Variants in THBS1 observed in about 807,000 individuals in gnomAD.
The protein encoded by THBS1 is thrombospondin-1.
In THBS1, 29 loss-of-function variants were observed where a neutral mutation model predicts 126.1. That is an observed-to-expected ratio of 0.23 (90% CI 0.17 to 0.31). The LOEUF (loss-of-function observed/expected upper bound fraction) is 0.31. Ranked by LOEUF, THBS1 falls within the 10% of genes least tolerant of loss-of-function variation. The pLI is 1.00. For synonymous variants in THBS1, 496 were observed against 577.8 expected, an observed-to-expected ratio of 0.86 and a Z score of 2.03; for missense variants, 1,198 against 1,545.2, an observed-to-expected ratio of 0.78 and a Z score of 3.77.
chr15:39,590,960 T>C, intron 14 of THBS1: 2 of 566,408 alleles, frequency 3.5e-6, no homozygotes, highest in Non-Finnish European at 6.1e-6. Context: ...ACTGAGATGA[T>C]GGGATTATAT....
At chr15:39,584,237 T>C (rs753103060) in intron 5 of THBS1, 50 bp downstream of exon 5, 12 of 1,614,142 alleles carry the variant, frequency 7.4e-6, no homozygotes, top group Non-Finnish European at 9.3e-6. Context: ...GGAAGGTTTA[T>C]CGCAGATGGT....
At position 39,588,940 on chromosome 15, in the gene THBS1, C is replaced by G. The variant is rs1384195925; in HGVS notation, c.1646-19C>G. 6.2e-7 allele frequency: 1 copy of G among 1,614,206 alleles called. No individual in the cohort carries two copies. Among genetic ancestry groups the G allele is most frequent in the Non-Finnish European group, 8.5e-7 (1 of 1,180,044 alleles). On this transcript the variant is annotated intron_variant, in intron 10 of 21. Transcript: ENST00000260356. The stretch of plus-strand genomic sequence containing the variant: ...TAGACCAACCATTTACTGTGACTGT[C>G]TCTCTCTCCTTGTCTCAGATGGATG...
At position 39,593,914 on chromosome 15, in the gene THBS1, C is replaced by T. The variant is rs1890380154; in HGVS notation, c.3268-185C>T. The T allele has an allele frequency of 2.3e-6, 2 of 870,282 alleles. No individual in the cohort carries two copies. The highest frequency in any genetic ancestry group is 3.4e-6 in the Non-Finnish European group (2 of 581,740). The allele number at this position is 870,282 out of a possible 1,614,324, so 53.9% of individuals were successfully genotyped here. ...ACAAAAAAACCTCCTTCCCTCCTCTCTGTCTGCTTTATATGTGTGCTCAGT... is the reference window on the plus strand; with the variant it reads ...ACAAAAAAACCTCCTTCCCTCCTCTTTGTCTGCTTTATATGTGTGCTCAGT... On this transcript the variant is annotated intron_variant, in intron 19 of 21. Transcript: ENST00000260356. The surrounding 1 kb of genome is among the most constrained non-coding windows in gnomAD (Gnocchi z 5.9).
In THBS1 at chr15:39,594,202, A is replaced by G. The variant is rs1365248971; in HGVS notation, c.3365+6A>G. 2 of 1,614,194 alleles carry G rather than the reference A, an allele frequency of 1.2e-6. No homozygotes were observed. The highest frequency in any genetic ancestry group is 1.7e-6 in the Non-Finnish European group (2 of 1,180,000). ...CCAAAGACGGGTTTCATTAGGTACG[A>G]TCATACTGATTCACTTTCACTTACA... is the stretch of plus-strand genomic sequence containing the variant. On this transcript the variant is annotated splice_donor_region_variant and intron_variant, in intron 20 of 21. Coordinates refer to ENST00000260356, the MANE Select transcript of THBS1 (RefSeq NM_003246.4). The surrounding 1 kb of genome is among the most constrained non-coding windows in gnomAD (Gnocchi z 4.4).
Position 39,593,384 on chromosome 15 carries a change from G to C in THBS1, c.2996-13G>C, listed in dbSNP as rs529483962. ...GCTGCAGGTTTTAACCTGGCTCTGG[G>C]CTCTTCTTCCAGGTTATGATGAGTT... On this transcript the variant is annotated splice_polypyrimidine_tract_variant and intron_variant, in intron 18 of 21. Coordinates refer to ENST00000260356, the MANE Select transcript of THBS1 (RefSeq NM_003246.4). This position sits in a 1 kb window ranked among gnomAD's most constrained non-coding sequence, Gnocchi z 5.9. 2 of 1,613,644 alleles carry C rather than the reference G, an allele frequency of 1.2e-6. No homozygotes were observed. The highest frequency in any genetic ancestry group is 2.7e-5 in the African/African-American group (2 of 74,966).
rs534121841 is a variant in THBS1 at position 39,598,097 on chromosome 15, G to A, written c.*2728G>A. 1 of 152,330 alleles carries A rather than the reference G, an allele frequency of 6.6e-6. No homozygotes were observed. Among genetic ancestry groups the A allele is most frequent in the South Asian group, 2.1e-4 (1 of 4,828 alleles). The allele number at this position is 152,330 out of a possible 1,614,324, so 9.4% of individuals were successfully genotyped here. ...ATTATCATGTGAAGAAAAGGCCCAA[G>A]TGTACCAATAAGCAGACCTTGATTT... On this transcript the variant is annotated 3_prime_UTR_variant, in exon 22 of 22. Coordinates refer to ENST00000260356, the MANE Select transcript of THBS1 (RefSeq NM_003246.4).
intron 8 of THBS1, 107 bp from the exon 9 acceptor site, chr15:39,587,935 T>G (rs1289477452): frequency 9.0e-6 from 10 of 1,113,652 alleles, no homozygotes; most frequent in Non-Finnish European, 1.3e-5. Flanking sequence ...CTGGGTTTAG[T>G]TGCCATTGAC....
Position 39,581,818 on chromosome 15 carries a change from T to G in THBS1, c.-29-11T>G. ...ATCTCTGACCCTCGGCTCTTGTGCT[T>G]CCTGCTACAGGATCCCTGCTGGGCA... On this transcript the variant is annotated splice_polypyrimidine_tract_variant and intron_variant, in intron 1 of 21. Coordinates refer to ENST00000260356, the MANE Select transcript of THBS1 (RefSeq NM_003246.4). The G allele has an allele frequency of 1.3e-6, 2 of 1,593,942 alleles. No individual in the cohort carries two copies. The highest frequency in any genetic ancestry group is 1.7e-6 in the Non-Finnish European group (2 of 1,162,316).
At chr15:39,590,156 C>G (rs61217288) in intron 13 of THBS1, 133 bp downstream of exon 13, 1 of 875,148 alleles carries the variant, frequency 1.1e-6, no homozygotes, top group South Asian at 2.1e-5. Flanking sequence ...GAGAGGGGCA[C>G]TAATTCCTAT....
chr15:39,586,144 G>A (rs1020275395), intron 7 of THBS1, among the ~76,000 whole-genome samples: 1 of 152,146 alleles, frequency 6.6e-6, no homozygotes, highest in Admixed American at 6.6e-5. Context: ...AGTGTAGCAG[G>A]TACAAGTTAT....
At chr15:39,595,286 C>T in intron 21 of THBS1, 76 bp from the exon 22 acceptor site, 2 of 922,914 alleles carry the variant, frequency 2.2e-6, no homozygotes, top group Non-Finnish European at 3.0e-6. Context: ...ATGTGGTTAA[C>T]TTATTAACTA....
At position 39,592,926 on chromosome 15, in the gene THBS1, T is replaced by C. The variant is rs1054925662; in HGVS notation, c.2768-74T>C. The C allele has an allele frequency of 1.9e-6, 3 of 1,558,100 alleles. No individual in the cohort carries two copies. The African/African-American group carries it at 4.1e-5, about 21-fold the overall frequency. Reference sequence around the variant, plus strand: ...GGACCAAATGCCAACTTAGACAAGATAGTGACATTTCTGACACCAGTAATA... The same window carrying C: ...GGACCAAATGCCAACTTAGACAAGACAGTGACATTTCTGACACCAGTAATA... On this transcript the variant is annotated intron_variant, in intron 17 of 21. Coordinates refer to ENST00000260356, the MANE Select transcript of THBS1 (RefSeq NM_003246.4). The surrounding 1 kb of genome is among the most constrained non-coding windows in gnomAD (Gnocchi z 4.3).
In THBS1 at chr15:39,592,586, C is replaced by T. The variant is rs1428008775; in HGVS notation, c.2551C>T (p.Arg851Cys). The change falls in exon 17 of 22, where the codon CGC becomes TGC. Residue 851 changes from arginine to cysteine, a missense_variant. Physicochemically the swap from Arg to Cys is radical, Grantham distance 180. Around this residue, in one of 4 missense-constraint regions of THBS1, gnomAD observed 663 missense variants for 860.1 expected, o/e 0.77. Transcript: ENST00000260356. The surrounding 1 kb of genome is among the most constrained non-coding windows in gnomAD (Gnocchi z 4.3). ...NPDQLDSDSD[R>C]IGDTCDNNQD... The stretch of plus-strand genomic sequence containing the variant: ...CTTTCAGCTGGACTCTGACTCAGAC[C>T]GCATTGGAGATACCTGTGACAACAA... 1.9e-6 allele frequency: 3 copies of T among 1,613,026 alleles called. No individual in the cohort carries two copies. Among genetic ancestry groups the T allele is most frequent in the Admixed American group, 1.7e-5 (1 of 59,856 alleles).
In THBS1 at chr15:39,594,449, A is replaced by T. The variant is rs1890392682; in HGVS notation, c.3505+9A>T. 1 of 1,613,534 alleles carries T rather than the reference A, an allele frequency of 6.2e-7. No homozygotes were observed. Among genetic ancestry groups the T allele is most frequent in the African/African-American group, 1.3e-5 (1 of 75,048 alleles). On this transcript the variant is annotated intron_variant, in intron 21 of 21. Coordinates refer to ENST00000260356, the MANE Select transcript of THBS1 (RefSeq NM_003246.4). This position sits in a 1 kb window ranked among gnomAD's most constrained non-coding sequence, Gnocchi z 4.4. ...GAAATACGAATGTAGAGGTAAGAGC[A>T]ACATCACCATGAATGTACACTGGAC... is the stretch of plus-strand genomic sequence containing the variant.
chr15:39,581,934 T>C lies in THBS1; in HGVS notation c.67+10T>C, dbSNP rs376911618. On this transcript the variant is annotated intron_variant, in intron 2 of 21. Transcript: ENST00000260356. ...ACCAACCGCATTCCAGGTGAGTTTG[T>C]GTGGCACCTTTAGGGGAAGGAGGGA... The C allele has an allele frequency of 2.5e-6, 4 of 1,613,940 alleles. No individual in the cohort carries two copies. In the African/African-American group the frequency reaches 5.3e-5, roughly 22 times the overall value.
At chr15:39,587,314 C>T (rs1239751043) in intron 7 of THBS1, 33 bp from the exon 8 acceptor site, 39 of 1,593,650 alleles carry the variant, frequency 2.4e-5, no homozygotes, top group Non-Finnish European at 3.2e-5. Flanking sequence ...TCCTAATCAT[C>T]ACGTACCTGA....
Position 39,584,357 on chromosome 15 carries a change from A to G in THBS1, c.961A>G (p.Asn321Asp), listed in dbSNP as rs771274815. 3 of 1,614,250 alleles carry G rather than the reference A, an allele frequency of 1.9e-6. No individual in the cohort carries two copies. Among genetic ancestry groups the G allele is most frequent in the Non-Finnish European group, 2.5e-6 (3 of 1,180,054 alleles). The stretch of plus-strand genomic sequence containing the variant: ...GAGGCGGCCTCCCCTATGCTATCAC[A>G]ACGGAGTTCAGTACAGAAATAACGA... ...ELRRPPLCYH[N>D]GVQYRNNEEW... Residue 321 changes from asparagine to aspartate, a missense_variant, in exon 6 of 22, where the codon AAC (asparagine) becomes GAC (aspartate). Coordinates refer to ENST00000260356, the MANE Select transcript of THBS1 (RefSeq NM_003246.4).
At position 39,589,772 on chromosome 15, in the gene THBS1, G is replaced by T; in HGVS notation, c.1927-33G>T. The T allele has an allele frequency of 6.5e-7, 1 of 1,549,566 alleles. No homozygotes were observed. Among genetic ancestry groups the T allele is most frequent in the Non-Finnish European group, 8.7e-7 (1 of 1,147,990 alleles). On this transcript the variant is annotated intron_variant, in intron 12 of 21. Coordinates refer to ENST00000260356, the MANE Select transcript of THBS1 (RefSeq NM_003246.4). The surrounding 1 kb of genome is among the most constrained non-coding windows in gnomAD (Gnocchi z 4.7). ...CCATGATATCTGAGGATTCTCAAAA[G>T]CTCTGTGTAACAGCAGCATGGTGTA...
At position 39,583,790 on chromosome 15, in the gene THBS1, C is replaced by A. The variant is rs550548187; in HGVS notation, c.703+98C>A. The A allele has an allele frequency of 8.1e-6, 11 of 1,361,880 alleles. No homozygotes were observed. The East Asian group carries it at 2.3e-4, about 29-fold the overall frequency. The allele number at this position is 1,361,880 out of a possible 1,614,324, so 84.4% of individuals were successfully genotyped here. On this transcript the variant is annotated intron_variant, in intron 4 of 21. Transcript: ENST00000260356. ...AGCAATAGTGGTTATACATAAATTA[C>A]CCCCAGTGAGATCATCAAGAGGCAT...
Sources: allele counts gnomAD v4.1 joint callset (sites outside exome capture counted in the v4.1 genomes callset), GRCh38; gene constraint gnomAD v4.1.1; regional missense constraint gnomAD v4.1.1; non-coding constraint Gnocchi (gnomAD v3.1); transcripts MANE v1.5; gene names NCBI Gene and HGNC (gene_info 2026-07-23, HGNC 2026-07-21).